The following USHBP1 variants were observed in gnomAD, a reference collection of about 807,000 sequenced individuals.
USHBP1 encodes the protein harmonin-binding protein USHBP1.
Under a neutral mutation model 76.2 loss-of-function variants are expected in USHBP1, and 67 were observed. That is an observed-to-expected ratio of 0.88 (90% CI 0.72 to 1.08). The LOEUF (loss-of-function observed/expected upper bound fraction) is 1.08. Among genes scored for constraint, USHBP1 ranks in the 50% least tolerant of loss-of-function variants. The pLI, the probability that USHBP1 is intolerant of heterozygous loss-of-function variation, is 0.00. For synonymous variants in USHBP1, 322 were observed against 362.2 expected (o/e 0.89, Z 1.26); for missense variants, 931 against 915.0 (o/e 1.02, Z -0.23).
chr19:17,263,031 G>C, intron 3 of USHBP1, 41 bp from the exon 4 acceptor site: 1 of 1,487,926 alleles, frequency 6.7e-7, no homozygotes, highest in Non-Finnish European at 9.0e-7. Flanking sequence ...CTCCATGCTG[G>C]GCAAGGAATT....
rs764731083 is a variant in USHBP1, at chr19:17,259,373, T to C, written c.962A>G (p.Tyr321Cys). Reference sequence around the variant, plus strand: ...GCTGAGGCCTTCACAGCGGCCCTTGTATCCCTGTAGCACAGCTGATAGCAG... The same window carrying C: ...GCTGAGGCCTTCACAGCGGCCCTTGCATCCCTGTAGCACAGCTGATAGCAG... ...NRLLSAVLQG[Y>C]KGRCEGLSMQ... Residue 321 changes from tyrosine to cysteine, a missense_variant, in exon 7 of 13, where the codon TAC becomes TGC. Transcript: ENST00000252597. 25 of 1,614,176 alleles carry C rather than the reference T, an allele frequency of 1.5e-5. No individual in the cohort carries two copies. Among genetic ancestry groups the C allele is most frequent in the Middle Eastern group, 3.3e-4 (2 of 6,062 alleles).
Position 17,259,330 on chromosome 19 carries a change from C to T in USHBP1, c.1005G>A (p.Arg335=), listed in dbSNP as rs530866644. The T allele has an allele frequency of 1.2e-6, 2 of 1,614,108 alleles. No homozygotes were observed. The highest frequency in any genetic ancestry group is 2.7e-5 in the African/African-American group (2 of 75,056). Residue 335 remains arginine (R), a synonymous_variant, in exon 7 of 13, where the codon CGG becomes CGA. Transcript: ENST00000252597. ...GATGCAATGCTGTGGCCTCAGCCTC[C>T]CGCTGGCCTAGCTGCATGCTGAGGC... ...CEGLSMQLGQ[R]EAEATALHLA...
chr19:17,263,841 A>G (rs752106108), intron 3 of USHBP1, 161 bp downstream of exon 3: 1 of 1,007,110 alleles, frequency 9.9e-7, no homozygotes, highest in Non-Finnish European at 1.4e-6. Context: ...ACTGCACTAC[A>G]GCCTGGGTGA....
At chr19:17,264,437 CT>C (rs1197731177) in intron 1 of USHBP1, 90 bp from the exon 2 acceptor site, 1 of 1,039,424 alleles carries the variant, frequency 9.6e-7, no homozygotes, top group East Asian at 2.6e-5. Flanking sequence ...GGGGCACTGA[CT>C]ACCCCTCAGG....
intron 3 of USHBP1, chr19:17,263,391 G>A (rs11669176): frequency 0.019 from 3,100 of 165,768 alleles, 46 homozygotes; most frequent in South Asian, 0.04. Flanking sequence ...AGGTGTGAGC[G>A]GAGCAGGGAG....
In USHBP1 at chr19:17,259,903, C is replaced by G. The variant is rs2073667583; in HGVS notation, c.762G>C (p.Glu254Asp). Residue 254 changes from glutamate (E) to aspartate (D), a missense_variant, in exon 5 of 13, where the codon GAG becomes GAC. By Grantham distance (45) the Glu-to-Asp change is conservative (BLOSUM62 2). Transcript: ENST00000252597. ...TTGAACTTCTCGCACTCACCTGAGT[C>G]TCCCAGGGTTCCCTGTCTGCCTCAG... ...SSSEADREPWETQDSFSLAHP... is the reference protein window; with the variant it reads ...SSSEADREPWDTQDSFSLAHP... 1 of 1,613,518 alleles carries G rather than the reference C, an allele frequency of 6.2e-7. No individual in the cohort carries two copies. The highest frequency in any genetic ancestry group is 1.1e-5 in the South Asian group (1 of 91,072).
chr19:17,262,045 G>A (rs1412006030), intron 4 of USHBP1, among the ~76,000 whole-genome samples: 1 of 145,350 alleles, frequency 6.9e-6, no homozygotes, highest in Admixed American at 7.0e-5. Context: ...CTGTCCCCCA[G>A]GTTGGAGTGC....
At chr19:17,256,923 G>T (rs985159619) in intron 8 of USHBP1, among the ~76,000 whole-genome samples, 1 of 151,980 alleles carries the variant, frequency 6.6e-6, no homozygotes, top group Non-Finnish European at 1.5e-5. Flanking sequence ...GTGCGGTGAT[G>T]CATGCCTGTA....
intron 12 of USHBP1, among the ~76,000 whole-genome samples, chr19:17,251,259 T>TCCA (rs1264601841): frequency 6.9e-6 from 1 of 145,954 alleles, no homozygotes; most frequent in East Asian, 2.1e-4. Flanking sequence ...AACCTCCACC[T>TCCA]CCTGGGTTTA....
Position 17,259,538 on chromosome 19 carries a change from A to G in USHBP1, c.905+58T>C, listed in dbSNP as rs146204810. On this transcript the variant is annotated intron_variant, in intron 6 of 12. Coordinates refer to ENST00000252597, the MANE Select transcript of USHBP1 (RefSeq NM_031941.4). ...GTTGCAGCTTCAGACTCCTGGCTTT[A>G]TAACTCAGTTGGAGGAGGTGCCTGT... The G allele has an allele frequency of 2.1e-3, 3,323 of 1,603,100 alleles. 19 individuals are homozygous for G. The Middle Eastern group carries it at 0.022, about 10-fold the overall frequency.
At chr19:17,252,186 T>C (rs928791142) in intron 10 of USHBP1, among the ~76,000 whole-genome samples, 169 bp from the exon 11 acceptor site, 1 of 152,018 alleles carries the variant, frequency 6.6e-6, no homozygotes, top group African/African-American at 2.4e-5. Flanking sequence ...AAGGGAAATA[T>C]CCTATTTAAT....
Position 17,249,287 on chromosome 19 carries a change from G to A in USHBP1, c.*938C>T, listed in dbSNP as rs1482669353. The A allele has an allele frequency of 6.6e-6, 1 of 152,160 alleles. No homozygotes were observed. The highest frequency in any genetic ancestry group is 2.4e-5 in the African/African-American group (1 of 41,390). The allele number at this position is 152,160 out of a possible 1,614,324, so 9.4% of individuals were successfully genotyped here. A position where few individuals can be genotyped will look rare whatever the true frequency, so the allele number is the denominator to read the frequency against. On this transcript the variant is annotated 3_prime_UTR_variant, in exon 13 of 13. Coordinates refer to ENST00000252597, the MANE Select transcript of USHBP1 (RefSeq NM_031941.4). ...GTTCACTGCAACCCCCGCCTCTCAG[G>A]TTCAAGCAATTATCCTGCCTCAGTC...
intron 8 of USHBP1, among the ~76,000 whole-genome samples, chr19:17,257,441 G>A (rs1262116090): frequency 4.0e-5 from 6 of 150,000 alleles, no homozygotes; most frequent in Non-Finnish European, 5.9e-5. Context: ...TCAGGAGTTC[G>A]AGACCAGCCT....
chr19:17,250,315 C>T lies in USHBP1; in HGVS notation c.2022G>A (p.Glu674=), dbSNP rs2073533404. 2.5e-6 allele frequency: 4 copies of T among 1,613,506 alleles called. No individual in the cohort carries two copies. The highest frequency in any genetic ancestry group is 8.5e-7 in the Non-Finnish European group (1 of 1,179,938). The change falls in exon 13 of 13, where the codon GAG becomes GAA. Residue 674 remains glutamate (E), a synonymous_variant. Coordinates refer to ENST00000252597, the MANE Select transcript of USHBP1 (RefSeq NM_031941.4). ...QMALMEAQQA[E]EVAVLEATAR... ...CAGTGGCTTCGAGCACCGCCACCTCCTCGGCCTGCTGAGCCTCCATGAGTG... is the reference window on the plus strand; with the variant it reads ...CAGTGGCTTCGAGCACCGCCACCTCTTCGGCCTGCTGAGCCTCCATGAGTG...
intron 4 of USHBP1, among the ~76,000 whole-genome samples, chr19:17,261,640 A>AT (rs34383325): frequency 0.19 from 16,415 of 86,258 alleles, 1,050 homozygotes; most frequent in African/African-American, 0.27. Context: ...CATTATTATT[A>AT]TTTTTTTTTT....
rs373660024 is a variant in USHBP1, at chr19:17,255,695, A to G, written c.1471-89T>C. On this transcript the variant is annotated intron_variant, in intron 9 of 12. Coordinates refer to ENST00000252597, the MANE Select transcript of USHBP1 (RefSeq NM_031941.4). ...CCCCAAGAGGCACCCACTGAGGACT[A>G]TTCAGACAAAAACTGTGACTTTTGG... 6.5e-6 allele frequency: 9 copies of G among 1,376,110 alleles called. No homozygotes were observed. The East Asian group carries it at 7.6e-5, about 12-fold the overall frequency. 85.2% of individuals were successfully genotyped at this position (1,376,110 alleles called of 1,614,324 possible). A position where few individuals can be genotyped will look rare whatever the true frequency, so the allele number is the denominator to read the frequency against.
chr19:17,259,385 A>C lies in USHBP1; in HGVS notation c.950T>G (p.Val317Gly). The C allele has an allele frequency of 1.2e-6, 2 of 1,614,114 alleles. No individual in the cohort carries two copies. The highest frequency in any genetic ancestry group is 2.2e-5 in the East Asian group (1 of 44,878). Residue 317 changes from valine to glycine, a missense_variant, in exon 7 of 13, where the codon GTG (valine) becomes GGG (glycine). Val to Gly is a moderately radical substitution (Grantham distance 109). Transcript: ENST00000252597. ...LKCFNRLLSA[V>G]LQGYKGRCEG... ...ACAGCGGCCCTTGTATCCCTGTAGC[A>C]CAGCTGATAGCAGACGATTAAAGCA...
At chr19:17,254,502 A>G (rs1370628882) in intron 10 of USHBP1, among the ~76,000 whole-genome samples, 3 of 150,848 alleles carry the variant, frequency 2.0e-5, no homozygotes, top group Non-Finnish European at 3.0e-5. Flanking sequence ...CTAAAAATAC[A>G]AAAATTAGCC....
At chr19:17,260,947 ATC>A (rs2073679450) in intron 4 of USHBP1, among the ~76,000 whole-genome samples, 1 of 152,050 alleles carries the variant, frequency 6.6e-6, no homozygotes, top group Non-Finnish European at 1.5e-5. Context: ...ATCCGTCCGC[ATC>A]TCTCCACTTC....
Sources: allele counts gnomAD v4.1 joint callset (sites outside exome capture counted in the v4.1 genomes callset), GRCh38; gene constraint gnomAD v4.1.1; transcripts MANE v1.5; gene names NCBI Gene and HGNC (gene_info 2026-07-23, HGNC 2026-07-21).